CCN1: variants seen among roughly 807,000 people sequenced by gnomAD.
CCN1 encodes the protein cellular communication network factor 1, also known as CCN family member 1.
CCN1 carries 12 observed loss-of-function variants against 38.1 expected under a neutral mutation model. That is an observed-to-expected ratio of 0.31 (90% CI 0.20 to 0.51). The LOEUF (loss-of-function observed/expected upper bound fraction) is 0.51, where lower values mean the gene tolerates loss of function less well. Among genes scored for constraint, CCN1 ranks in the 20% least tolerant of loss-of-function variants. The pLI is 0.97. For synonymous variants in CCN1, 202 were observed against 196.1 expected, an observed-to-expected ratio of 1.03 and a Z score of -0.25; for missense variants, 466 against 490.9, an observed-to-expected ratio of 0.95 and a Z score of 0.48.
In CCN1 at chr1:85,582,160, C is replaced by T; in HGVS notation, c.510C>T (p.Asp170=). ...TCTGTGACGAGGATAGTATCAAGGA[C>T]CCCATGGAGGACCAGGACGGCCTCC... is the stretch of plus-strand genomic sequence containing the variant. The part of the protein sequence containing the change: ...EWVCDEDSIK[D]PMEDQDGLLG... The change falls in exon 3 of 5, where the codon GAC becomes GAT. Residue 170 remains aspartate, a synonymous_variant. Transcript: ENST00000451137. 6.2e-7 allele frequency: 1 copy of T among 1,614,130 alleles called. No individual in the cohort carries two copies. Among genetic ancestry groups the T allele is most frequent in the Non-Finnish European group, 8.5e-7 (1 of 1,180,028 alleles).
Position 85,582,283 on chromosome 1 carries a change from T to C in CCN1, c.633T>C (p.Pro211=), listed in dbSNP as rs1659807099. ...AAGGCAGCTCACTGAAGCGGCTCCC[T>C]GGTAAGTGGAGACTGAGCACTTCAG... The part of the protein sequence containing the change: ...VGKGSSLKRL[P]VFGMEPRILY... Residue 211 remains proline (P), a splice_region_variant and synonymous_variant, in exon 3 of 5, where the codon CCT becomes CCC. Coordinates refer to ENST00000451137, the MANE Select transcript of CCN1 (RefSeq NM_001554.5). The C allele has an allele frequency of 6.2e-7, 1 of 1,614,224 alleles. No individual in the cohort carries two copies. Among genetic ancestry groups the C allele is most frequent in the Non-Finnish European group, 8.5e-7 (1 of 1,180,020 alleles).
In CCN1 at chr1:85,582,070, C is replaced by G. The variant is rs778006793; in HGVS notation, c.420C>G (p.Leu140=). 2.5e-5 allele frequency: 41 copies of G among 1,614,050 alleles called. 1 individual carries two copies. The highest frequency in any genetic ancestry group is 5.1e-6 in the Non-Finnish European group (6 of 1,180,038). Residue 140 remains leucine (L), a synonymous_variant, in exon 3 of 5, where the codon CTC becomes CTG. Coordinates refer to ENST00000451137, the MANE Select transcript of CCN1 (RefSeq NM_001554.5). ...CTCTGTGTCCCCAAGAACTATCTCT[C>G]CCCAACTTGGGCTGTCCCAACCCTC... ...CIPLCPQELS[L]PNLGCPNPRL... is the part of the protein sequence containing the mutation.
At position 85,582,838 on chromosome 1, in the gene CCN1, C is replaced by A. The variant is rs770224710; in HGVS notation, c.942C>A (p.Cys314Ter). ...TGAAGAAATACCGGCCCAAGTACTG[C>A]GGTTCCTGCGTGGACGGCCGATGCT... ...LSVKKYRPKYCGSCVDGRCCT... is the reference protein window; with the variant it reads ...LSVKKYRPKY The change falls in exon 5 of 5, where the codon TGC becomes TGA. Residue 314 changes from cysteine to a stop codon, truncating the protein, a stop_gained. Coordinates refer to ENST00000451137, the MANE Select transcript of CCN1 (RefSeq NM_001554.5). LOFTEE classifies it high-confidence loss of function. The A allele has an allele frequency of 7.4e-6, 12 of 1,614,074 alleles. No homozygotes were observed. The African/African-American group carries it at 1.3e-4, about 18-fold the overall frequency.
chr1:85,581,613 A>T, intron 2 of CCN1, 35 bp downstream of exon 2: 2 of 1,597,310 alleles, frequency 1.3e-6, no homozygotes, highest in Non-Finnish European at 1.7e-6. Context: ...TTTAAAAAAA[A>T]TACTAGTCCC....
In CCN1 at chr1:85,581,438, T is replaced by C. The variant is rs777618646; in HGVS notation, c.137T>C (p.Val46Ala). ...AAGTGCGCGCCGGGAGTCGGGCTGG[T>C]CCGGGACGGCTGCGGCTGCTGTAAG... ...APKCAPGVGLVRDGCGCCKVC... is the reference protein window; with the variant it reads ...APKCAPGVGLARDGCGCCKVC... The change falls in exon 2 of 5, where the codon GTC (valine) becomes GCC (alanine). Residue 46 changes from valine (V) to alanine (A), a missense_variant. By Grantham distance (64) the Val-to-Ala change is moderately conservative (BLOSUM62 0). Coordinates refer to ENST00000451137, the MANE Select transcript of CCN1 (RefSeq NM_001554.5). The C allele has an allele frequency of 1.2e-6, 2 of 1,609,772 alleles. No individual in the cohort carries two copies. The highest frequency in any genetic ancestry group is 1.7e-5 in the Admixed American group (1 of 59,650).
In CCN1 at chr1:85,582,800, G is replaced by A; in HGVS notation, c.904G>A (p.Gly302Arg). 1 of 1,614,188 alleles carries A rather than the reference G, an allele frequency of 6.2e-7. No individual in the cohort carries two copies. Among genetic ancestry groups the A allele is most frequent in the Non-Finnish European group, 8.5e-7 (1 of 1,180,040 alleles). ...SPEPVRFTYA[G>R]CLSVKKYRPK... Reference sequence around the variant, plus strand: ...CGAACCAGTCAGGTTTACTTACGCTGGATGTTTGAGTGTGAAGAAATACCG... The same window carrying A: ...CGAACCAGTCAGGTTTACTTACGCTAGATGTTTGAGTGTGAAGAAATACCG... The change falls in exon 5 of 5, where the codon GGA (glycine) becomes AGA (arginine). Residue 302 changes from glycine (G) to arginine (R), a missense_variant. By Grantham distance (125) the Gly-to-Arg change is moderately radical. Around this residue, in one of 3 missense-constraint regions of CCN1, gnomAD observed 309 missense variants for 319.9 expected, o/e 0.97. Transcript: ENST00000451137.
Position 85,583,121 on chromosome 1 carries a change from C to A in CCN1, c.*79C>A, listed in dbSNP as rs899728530. On this transcript the variant is annotated 3_prime_UTR_variant, in exon 5 of 5. Coordinates refer to ENST00000451137, the MANE Select transcript of CCN1 (RefSeq NM_001554.5). ...GAATCAGAATCATGGAGAAAATGGG[C>A]GGGGGTGGTGTGGGTGATGGGACTC... 2.1e-6 allele frequency: 3 copies of A among 1,425,584 alleles called. No homozygotes were observed. Among genetic ancestry groups the A allele is most frequent in the Non-Finnish European group, 1.9e-6 (2 of 1,035,448 alleles). The allele number at this position is 1,425,584 out of a possible 1,614,324, so 88.3% of individuals were successfully genotyped here.
At position 85,582,916 on chromosome 1, in the gene CCN1, G is replaced by A; in HGVS notation, c.1020G>A (p.Gly340=). 1 of 1,614,192 alleles carries A rather than the reference G, an allele frequency of 6.2e-7. No individual in the cohort carries two copies. The highest frequency in any genetic ancestry group is 8.5e-7 in the Non-Finnish European group (1 of 1,180,050). ...TVKMRFRCED[G]ETFSKNVMMI... is the part of the protein sequence containing the mutation. ...AGATGCGGTTCCGCTGCGAAGATGG[G>A]GAGACATTTTCCAAGAACGTCATGA... The change falls in exon 5 of 5, where the codon GGG becomes GGA. Residue 340 remains glycine, a synonymous_variant. Transcript: ENST00000451137.
In CCN1 at chr1:85,583,479, T is replaced by G. The variant is rs531430385; in HGVS notation, c.*437T>G. On this transcript the variant is annotated 3_prime_UTR_variant, in exon 5 of 5. Coordinates refer to ENST00000451137, the MANE Select transcript of CCN1 (RefSeq NM_001554.5). ...AATGGGAGGGCATTCCATCCCTTCC[T>G]GAAGGGGGACACTCCATGAGTGTCT... The G allele has an allele frequency of 5.7e-6, 1 of 175,354 alleles. No individual in the cohort carries two copies. Among genetic ancestry groups the G allele is most frequent in the East Asian group, 1.5e-4 (1 of 6,628 alleles). 10.9% of individuals were successfully genotyped at this position (175,354 alleles called of 1,614,324 possible). A position where few individuals can be genotyped will look rare whatever the true frequency, so the allele number is the denominator to read the frequency against.
rs1168911196 is a variant in CCN1, at chr1:85,582,808, G to A, written c.912G>A (p.Leu304=). 1 of 1,614,212 alleles carries A rather than the reference G, an allele frequency of 6.2e-7. No individual in the cohort carries two copies. Among genetic ancestry groups the A allele is most frequent in the South Asian group, 1.1e-5 (1 of 91,078 alleles). ...TCAGGTTTACTTACGCTGGATGTTT[G>A]AGTGTGAAGAAATACCGGCCCAAGT... ...EPVRFTYAGC[L]SVKKYRPKYC... is the part of the protein sequence containing the mutation. Residue 304 remains leucine (L), a synonymous_variant, in exon 5 of 5, where the codon TTG becomes TTA. Coordinates refer to ENST00000451137, the MANE Select transcript of CCN1 (RefSeq NM_001554.5).
chr1:85,581,406 G>C lies in CCN1; in HGVS notation c.105G>C (p.Glu35Asp), dbSNP rs746389670. Residue 35 changes from glutamate (E) to aspartate (D), a missense_variant, in exon 2 of 5, where the codon GAG becomes GAC. Glu to Asp is a conservative substitution (Grantham distance 45). Around this residue, in one of 3 missense-constraint regions of CCN1, gnomAD observed 146 missense variants for 141.1 expected, o/e 1.03. Transcript: ENST00000451137. ...CCGCTGCCTGCCACTGCCCCCTGGAGGCGCCCAAGTGCGCGCCGGGAGTCG... is the reference window on the plus strand; with the variant it reads ...CCGCTGCCTGCCACTGCCCCCTGGACGCGCCCAAGTGCGCGCCGGGAGTCG... ...TCPAACHCPL[E>D]APKCAPGVGL... 3 of 1,605,456 alleles carry C rather than the reference G, an allele frequency of 1.9e-6. No homozygotes were observed. The highest frequency in any genetic ancestry group is 2.5e-6 in the Non-Finnish European group (3 of 1,176,888).
At position 85,581,550 on chromosome 1, in the gene CCN1, C is replaced by T; in HGVS notation, c.249C>T (p.Ser83=). 1 of 1,614,018 alleles carries T rather than the reference C, an allele frequency of 6.2e-7. No homozygotes were observed. The highest frequency in any genetic ancestry group is 8.5e-7 in the Non-Finnish European group (1 of 1,180,022). The change falls in exon 2 of 5, where the codon AGC becomes AGT. Residue 83 remains serine (S), a synonymous_variant. Coordinates refer to ENST00000451137, the MANE Select transcript of CCN1 (RefSeq NM_001554.5). The part of the protein sequence containing the change: ...TKGLECNFGA[S]STALKGICRA... The stretch of plus-strand genomic sequence containing the variant: ...GGCTGGAATGCAACTTCGGCGCCAG[C>T]TCCACCGCTCTGAAGGGGATCTGCA...
At position 85,580,828 on chromosome 1, in the gene CCN1, G is replaced by A. The variant is rs572848618; in HGVS notation, c.-157G>A. 800 of 588,238 alleles carry A rather than the reference G, an allele frequency of 1.4e-3. 5 individuals are homozygous for A. The African/African-American group carries it at 0.015, about 11-fold the overall frequency. The allele number at this position is 588,238 out of a possible 1,614,324, so 36.4% of individuals were successfully genotyped here. On this transcript the variant is annotated 5_prime_UTR_variant, in exon 1 of 5. Coordinates refer to ENST00000451137, the MANE Select transcript of CCN1 (RefSeq NM_001554.5). ...CGCGCCTTCTCCGCCGGGACCTCGAGCGAAAGACGCCCGCCCGCCGCCCAG... is the reference window on the plus strand; with the variant it reads ...CGCGCCTTCTCCGCCGGGACCTCGAACGAAAGACGCCCGCCCGCCGCCCAG...
In CCN1 at chr1:85,582,610, T is replaced by C. The variant is rs766218988; in HGVS notation, c.829T>C (p.Tyr277His). 8 of 1,614,096 alleles carry C rather than the reference T, an allele frequency of 5.0e-6. No individual in the cohort carries two copies. In the African/African-American group the frequency reaches 1.1e-4, roughly 22 times the overall value. ...GGTGCGGCCTTGTGGACAGCCAGTG[T>C]ACAGCAGCCTGAAAGTAAGTTCCTT... ...CEVRPCGQPV[Y>H]SSLKKGKKCS... is the part of the protein sequence containing the mutation. Residue 277 changes from tyrosine to histidine, a missense_variant, in exon 4 of 5, where the codon TAC (tyrosine) becomes CAC (histidine). Tyr to His is a moderately conservative substitution (Grantham distance 83). Transcript: ENST00000451137.
At chr1:85,581,709 C>T in intron 2 of CCN1, 131 bp downstream of exon 2, 2 of 1,241,816 alleles carry the variant, frequency 1.6e-6, no homozygotes, top group Non-Finnish European at 2.3e-6. Flanking sequence ...ATGATTTCAG[C>T]AGTCTGGAAT....
chr1:85,582,546 C>T lies in CCN1; in HGVS notation c.765C>T (p.Asn255=). The T allele has an allele frequency of 1.9e-6, 3 of 1,614,178 alleles. No individual in the cohort carries two copies. The highest frequency in any genetic ancestry group is 2.5e-6 in the Non-Finnish European group (3 of 1,180,050). ...TCTCCACACGAGTTACCAATGACAACCCTGAGTGCCGCCTTGTGAAAGAAA... is the reference window on the plus strand; with the variant it reads ...TCTCCACACGAGTTACCAATGACAATCCTGAGTGCCGCCTTGTGAAAGAAA... ...TGISTRVTND[N]PECRLVKETR... is the part of the protein sequence containing the mutation. Residue 255 remains asparagine (N), a synonymous_variant, in exon 4 of 5, where the codon AAC becomes AAT. Coordinates refer to ENST00000451137, the MANE Select transcript of CCN1 (RefSeq NM_001554.5).
In CCN1 at chr1:85,581,403, G is replaced by C. The variant is rs1253593962; in HGVS notation, c.102G>C (p.Leu34=). 1 of 1,604,860 alleles carries C rather than the reference G, an allele frequency of 6.2e-7. No homozygotes were observed. Among genetic ancestry groups the C allele is most frequent in the Non-Finnish European group, 8.5e-7 (1 of 1,176,642 alleles). The stretch of plus-strand genomic sequence containing the variant: ...GCCCCGCTGCCTGCCACTGCCCCCT[G>C]GAGGCGCCCAAGTGCGCGCCGGGAG... The part of the protein sequence containing the change: ...STCPAACHCP[L]EAPKCAPGVG... The change falls in exon 2 of 5, where the codon CTG becomes CTC. Residue 34 remains leucine (L), a synonymous_variant. Coordinates refer to ENST00000451137, the MANE Select transcript of CCN1 (RefSeq NM_001554.5).
At position 85,582,869 on chromosome 1, in the gene CCN1, C is replaced by T; in HGVS notation, c.973C>T (p.Pro325Ser). Residue 325 changes from proline (P) to serine (S), a missense_variant, in exon 5 of 5, where the codon CCC becomes TCC. Around this residue, in one of 3 missense-constraint regions of CCN1, gnomAD observed 309 missense variants for 319.9 expected, o/e 0.97. Coordinates refer to ENST00000451137, the MANE Select transcript of CCN1 (RefSeq NM_001554.5). ...GSCVDGRCCTPQLTRTVKMRF... is the reference protein window; with the variant it reads ...GSCVDGRCCTSQLTRTVKMRF... ...CTGCGTGGACGGCCGATGCTGCACGCCCCAGCTGACCAGGACTGTGAAGAT... is the reference window on the plus strand; with the variant it reads ...CTGCGTGGACGGCCGATGCTGCACGTCCCAGCTGACCAGGACTGTGAAGAT... The T allele has an allele frequency of 6.2e-7, 1 of 1,614,158 alleles. No individual in the cohort carries two copies. The highest frequency in any genetic ancestry group is 8.5e-7 in the Non-Finnish European group (1 of 1,180,040).
Position 85,581,484 on chromosome 1 carries a change from C to A in CCN1, c.183C>A (p.Asn61Lys). The A allele has an allele frequency of 6.2e-7, 1 of 1,613,462 alleles. No homozygotes were observed. Among genetic ancestry groups the A allele is most frequent in the South Asian group, 1.1e-5 (1 of 91,016 alleles). ...GTAAGGTCTGCGCCAAGCAGCTCAA[C>A]GAGGACTGCAGCAAAACGCAGCCCT... The part of the protein sequence containing the change: ...GCCKVCAKQL[N>K]EDCSKTQPCD... Residue 61 changes from asparagine (N) to lysine (K), a missense_variant, in exon 2 of 5, where the codon AAC (asparagine) becomes AAA (lysine). Physicochemically the swap from Asn to Lys is moderately conservative, Grantham distance 94. This residue lies in a region of CCN1 where 146 missense variants were observed against 141.1 expected (regional missense o/e 1.03). Coordinates refer to ENST00000451137, the MANE Select transcript of CCN1 (RefSeq NM_001554.5).
Sources: gnomAD v4.1 joint callset for allele counts on GRCh38, gnomAD v4.1.1 for gene constraint, gnomAD v4.1.1 regional missense constraint, MANE v1.5 for transcripts, NCBI Gene and HGNC (gene_info 2026-07-23, HGNC 2026-07-21) for gene names.